Variants in GLIS3 observed in about 807,000 individuals in gnomAD.
GLIS3 encodes zinc finger protein GLIS3.
GLIS3 carries 53 observed loss-of-function variants against 78.6 expected under a neutral mutation model. That is an observed-to-expected ratio of 0.67 (90% CI 0.54 to 0.85). GLIS3 has a LOEUF of 0.85. Ranked by LOEUF, GLIS3 falls within the 40% of genes least tolerant of loss-of-function variation. The pLI is 0.00. For synonymous variants in GLIS3, 684 were observed against 509.9 expected (o/e 1.34, Z -4.60); for missense variants, 1,703 against 1,231.1 (o/e 1.38, Z -5.74).
chr9:3,977,195 T>C lies in GLIS3; in HGVS notation c.1711-40006A>G, dbSNP rs983072189. 2.0e-5 allele frequency among the ~76,000 whole-genome samples: 3 copies of C among 152,126 alleles called. No individual in the cohort carries two copies. Among genetic ancestry groups the C allele is most frequent in the African/African-American group, 7.2e-5 (3 of 41,428 alleles). ...ACAACTCCCAAGCCGGGAGAAATAT[T>C]GTCAGTTCAGATGACAAAAGACCTT... On this transcript the variant is annotated intron_variant, in intron 4 of 10. Coordinates refer to ENST00000381971, the MANE Select transcript of GLIS3 (RefSeq NM_001042413.2). This position sits in a 1 kb window ranked among gnomAD's most constrained non-coding sequence, Gnocchi z 4.1.
chr9:4,315,250 G>C (rs10974452), intron 2 of GLIS3, among the ~76,000 whole-genome samples: 19,112 of 152,134 alleles, frequency 0.13, 1,644 homozygotes, highest in African/African-American at 0.24. Context: ...TCAGTCTCTA[G>C]TGCACTTTTC....
intron 2 of GLIS3, among the ~76,000 whole-genome samples, chr9:4,176,299 T>C (rs1816808814): frequency 6.6e-6 from 1 of 152,232 alleles, no homozygotes. Context: ...CGATTTGTAA[T>C]GTAACTGCCC....
Position 3,824,222 on chromosome 9 carries a change from C to A in GLIS3, c.*4050G>T, listed in dbSNP as rs1328015928. The A allele has an allele frequency of 3.9e-5, 6 of 152,610 alleles. No individual in the cohort carries two copies. The highest frequency in any genetic ancestry group is 8.8e-5 in the Non-Finnish European group (6 of 68,032). 9.5% of individuals were successfully genotyped at this position (152,610 alleles called of 1,614,324 possible). On this transcript the variant is annotated 3_prime_UTR_variant, in exon 11 of 11. Transcript: ENST00000381971. ...CATGTAAAGGACTCAGGGAGACATT[C>A]ATTTTTACTGCCATTTCCTCCTCAT...
At chr9:4,204,536 C>T (rs763324071) in intron 2 of GLIS3, among the ~76,000 whole-genome samples, 20 of 152,044 alleles carry the variant, frequency 1.3e-4, no homozygotes, top group African/African-American at 4.8e-4. Context: ...AAGGAACTAA[C>T]GTATGACAGT....
At chr9:4,161,810 G>T (rs373845213) in intron 2 of GLIS3, among the ~76,000 whole-genome samples, 4 of 150,874 alleles carry the variant, frequency 2.7e-5, no homozygotes, top group African/African-American at 9.8e-5. Context: ...CTCTCAAGTA[G>T]CTGGGATTAC....
chr9:4,441,920 T>C, the GLIS3 span, among the ~76,000 whole-genome samples: 2 of 152,172 alleles, frequency 1.3e-5, no homozygotes, highest in African/African-American at 4.8e-5. Flanking sequence ...TCTTTTTTTG[T>C]TGTTGTCTTT....
intron 7 of GLIS3, among the ~76,000 whole-genome samples, chr9:3,889,000 T>C (rs1822255084): frequency 6.6e-6 from 1 of 152,232 alleles, no homozygotes; most frequent in Non-Finnish European, 1.5e-5. Context: ...TTCAATTATT[T>C]GCTTTACTTT....
At chr9:4,365,695 A>C in the GLIS3 span, among the ~76,000 whole-genome samples, 1 of 152,252 alleles carries the variant, frequency 6.6e-6, no homozygotes, top group Non-Finnish European at 1.5e-5. Flanking sequence ...AAACTGGATG[A>C]CTACTTGCTT....
intron 2 of GLIS3, among the ~76,000 whole-genome samples, chr9:4,283,856 G>T (rs62541830): frequency 6.6e-6 from 1 of 152,090 alleles, no homozygotes; most frequent in Non-Finnish European, 1.5e-5. Context: ...TCCAAAGCTA[G>T]AGGTGATAAT....
chr9:4,294,245 A>G (rs1480830896), intron 1 of GLIS3, among the ~76,000 whole-genome samples: 2 of 152,236 alleles, frequency 1.3e-5, no homozygotes, highest in African/African-American at 4.8e-5. Flanking sequence ...GCGGTGGCTC[A>G]CGCCTGTAAT....
the GLIS3 span, among the ~76,000 whole-genome samples, chr9:4,361,080 T>A: frequency 6.6e-6 from 1 of 152,230 alleles, no homozygotes; most frequent in South Asian, 2.1e-4. Flanking sequence ...CTATTGTTAT[T>A]GGATGCTGTG....
intron 2 of GLIS3, among the ~76,000 whole-genome samples, chr9:4,188,069 T>G (rs1364148572): frequency 6.6e-6 from 1 of 152,044 alleles, no homozygotes; most frequent in Non-Finnish European, 1.5e-5. Flanking sequence ...ATCCCTGTCT[T>G]GTGCCAGTTT....
At chr9:4,073,074 A>G (rs1827747100) in intron 4 of GLIS3, among the ~76,000 whole-genome samples, 1 of 151,968 alleles carries the variant, frequency 6.6e-6, no homozygotes, top group Non-Finnish European at 1.5e-5. Context: ...TTTGGTAAAA[A>G]TGGCTGCCAA....
intron 2 of GLIS3, among the ~76,000 whole-genome samples, chr9:4,205,256 C>G (rs1297724932): frequency 2.0e-5 from 3 of 151,858 alleles, no homozygotes; most frequent in Non-Finnish European, 1.5e-5. Flanking sequence ...AACCCTCTCT[C>G]TCTCTCCTTA....
intron 2 of GLIS3, among the ~76,000 whole-genome samples, chr9:4,322,974 G>C (rs1214292537): frequency 6.6e-6 from 1 of 152,170 alleles, no homozygotes; most frequent in Non-Finnish European, 1.5e-5. Context: ...TTTTAGTCAT[G>C]AAGTCCTTGC....
chr9:3,865,147 T>A (rs573097193), intron 8 of GLIS3, among the ~76,000 whole-genome samples: 6 of 152,184 alleles, frequency 3.9e-5, no homozygotes, highest in Non-Finnish European at 7.4e-5. Flanking sequence ...TCCTTCTAAC[T>A]AAACAGAAAA....
At chr9:4,080,125 A>G (rs868036296) in intron 4 of GLIS3, among the ~76,000 whole-genome samples, 17 of 152,232 alleles carry the variant, frequency 1.1e-4, no homozygotes, top group Admixed American at 3.3e-4. Context: ...CCCTGGCTTT[A>G]TGACTGGGTT....
At chr9:3,953,590 G>T (rs2130852186) in intron 4 of GLIS3, among the ~76,000 whole-genome samples, 1 of 152,152 alleles carries the variant, frequency 6.6e-6, no homozygotes, top group South Asian at 2.1e-4. Flanking sequence ...ATATTTCTTT[G>T]TACAAATGGT....
At chr9:4,477,558 A>T in the GLIS3 span, among the ~76,000 whole-genome samples, 1 of 151,932 alleles carries the variant, frequency 6.6e-6, no homozygotes, top group Non-Finnish European at 1.5e-5. Flanking sequence ...GGGACTGCAG[A>T]TGTGCACACC....
Sources: gnomAD v4.1 joint callset for allele counts (sites outside exome capture counted in the v4.1 genomes callset) on GRCh38, gnomAD v4.1.1 for gene constraint, Gnocchi (gnomAD v3.1) non-coding constraint, MANE v1.5 for transcripts, NCBI Gene and HGNC (gene_info 2026-07-23, HGNC 2026-07-21) for gene names.